The following CNOT10 variants were observed in gnomAD, a reference collection of about 807,000 sequenced individuals.
The protein encoded by CNOT10 is CCR4-NOT transcription complex subunit 10.
In CNOT10, 30 loss-of-function variants were observed where a neutral mutation model predicts 94.6. The observed-to-expected ratio is 0.32, with a 90% CI of 0.24 to 0.43. The LOEUF (loss-of-function observed/expected upper bound fraction) is 0.43. Ranked by LOEUF, CNOT10 falls within the 20% of genes least tolerant of loss-of-function variation. The pLI, the probability that CNOT10 is intolerant of heterozygous loss-of-function variation, is 1.00. For synonymous variants in CNOT10, 289 were observed against 301.6 expected, an observed-to-expected ratio of 0.96 and a Z score of 0.43; for missense variants, 759 against 877.2, an observed-to-expected ratio of 0.87 and a Z score of 1.70.
At chr3:32,704,666 A>G in intron 2 of CNOT10, 145 bp from the exon 3 acceptor site, 1 of 842,880 alleles carries the variant, frequency 1.2e-6, no homozygotes, top group Non-Finnish European at 1.8e-6. Flanking sequence ...TGCTTTAGTG[A>G]CTTTGATTAG....
At chr3:32,761,504 TGCCTCA>T (rs1421241529) in intron 14 of CNOT10, among the ~76,000 whole-genome samples, 2 of 152,156 alleles carry the variant, frequency 1.3e-5, no homozygotes, top group Non-Finnish European at 2.9e-5. Flanking sequence ...GCGATTCTCC[TGCCTCA>T]GCCTCCCGAG....
chr3:32,772,865 A>G (rs1700974532), intron 18 of CNOT10, among the ~76,000 whole-genome samples: 1 of 151,584 alleles, frequency 6.6e-6, no homozygotes, highest in South Asian at 2.1e-4. Context: ...AGATTGTTTC[A>G]TTGTTTTTTG....
At position 32,736,915 on chromosome 3, in the gene CNOT10, G is replaced by C. The variant is rs186925402; in HGVS notation, c.1515-495G>C. On this transcript the variant is annotated intron_variant, in intron 12 of 18. Transcript: ENST00000328834. ...TTAAAGCAGTATTGGAGGGGTGGGG[G>C]CAGTGGGGGAAGAAACTAATATACA... Among the ~76,000 whole-genome samples, 40 of 152,190 alleles carry C rather than the reference G, an allele frequency of 2.6e-4. No individual in the cohort carries two copies. In the East Asian group the frequency reaches 7.5e-3, roughly 29 times the overall value.
chr3:32,704,856 G>A lies in CNOT10; in HGVS notation c.163G>A (p.Asp55Asn), dbSNP rs770010700. The A allele has an allele frequency of 6.4e-7, 1 of 1,570,756 alleles. No homozygotes were observed. The highest frequency in any genetic ancestry group is 8.6e-7 in the Non-Finnish European group (1 of 1,167,460). ...TCTACAACACCTTGCCTGTCTACAAGATATAAACAAAGATGATTATAAAAT... is the reference window on the plus strand; with the variant it reads ...TCTACAACACCTTGCCTGTCTACAAAATATAAACAAAGATGATTATAAAAT... ...ACLQHLACLQ[D>N]INKDDYKIIL... is the part of the protein sequence containing the mutation. The change falls in exon 3 of 19, where the codon GAT becomes AAT. Residue 55 changes from aspartate to asparagine, a missense_variant. Coordinates refer to ENST00000328834, the MANE Select transcript of CNOT10 (RefSeq NM_015442.3).
chr3:32,731,375 T>G (rs1254111492), intron 10 of CNOT10, among the ~76,000 whole-genome samples: 1 of 152,212 alleles, frequency 6.6e-6, no homozygotes, highest in Non-Finnish European at 1.5e-5. Flanking sequence ...TTTTGCAAAT[T>G]CATATTGATT....
At position 32,770,108 on chromosome 3, in the gene CNOT10, G is replaced by GCAGCCTTCCCACCT. The variant is rs1277237237; in HGVS notation, c.2080+156_2080+169dup. On this transcript the variant is annotated intron_variant, in intron 18 of 18. Coordinates refer to ENST00000328834, the MANE Select transcript of CNOT10 (RefSeq NM_015442.3). ...GCAGCCTCCAAACTCCTAGGCTCAAGCAGCCTTCCCACCTCAGCCTTCCAG... is the reference window on the plus strand; with the variant it reads ...GCAGCCTCCAAACTCCTAGGCTCAAGCAGCCTTCCCACCTCAGCCTTCCCACCTCAGCCTTCCAG... The GCAGCCTTCCCACCT allele has an allele frequency of 1.3e-5, 8 of 621,248 alleles. No individual in the cohort carries two copies. In the South Asian group the frequency reaches 1.3e-4, roughly 10 times the overall value. 38.5% of individuals were successfully genotyped at this position (621,248 alleles called of 1,614,324 possible). A position where few individuals can be genotyped will look rare whatever the true frequency, so the allele number is the denominator to read the frequency against.
chr3:32,700,999 C>T (rs972983613), intron 1 of CNOT10, among the ~76,000 whole-genome samples: 6 of 152,250 alleles, frequency 3.9e-5, no homozygotes, highest in East Asian at 1.9e-4. Context: ...CTAAGCCAAG[C>T]GCAGTGGCTC....
At chr3:32,753,433 T>G (rs1249658130) in intron 13 of CNOT10, 5 of 1,521,416 alleles carry the variant, frequency 3.3e-6, no homozygotes, top group Non-Finnish European at 4.6e-6. Flanking sequence ...ATTGTCTGCT[T>G]TGGTTAAACT....
intron 13 of CNOT10, among the ~76,000 whole-genome samples, chr3:32,758,210 A>C (rs181704178): frequency 1.3e-3 from 191 of 152,322 alleles, no homozygotes; most frequent in African/African-American, 4.2e-3. Flanking sequence ...CACATCAGTT[A>C]AACAAGGAAC....
intron 1 of CNOT10, among the ~76,000 whole-genome samples, chr3:32,686,513 G>C (rs1696606347): frequency 6.6e-6 from 1 of 152,122 alleles, no homozygotes; most frequent in Non-Finnish European, 1.5e-5. Flanking sequence ...AAAAACAACA[G>C]AACAAAGGCC....
intron 18 of CNOT10, 100 bp downstream of exon 18, chr3:32,770,062 G>A (rs1700831402): frequency 2.3e-6 from 2 of 879,424 alleles, no homozygotes; most frequent in Non-Finnish European, 1.9e-6. Context: ...CTGGAGTGCA[G>A]TGGTACCATC....
At chr3:32,736,826 A>T (rs897396143) in intron 12 of CNOT10, among the ~76,000 whole-genome samples, 1 of 151,876 alleles carries the variant, frequency 6.6e-6, no homozygotes, top group Non-Finnish European at 1.5e-5. Context: ...ATAATGAGAA[A>T]TGCGCGAAAA....
chr3:32,714,853 C>T (rs1350745474), intron 5 of CNOT10, among the ~76,000 whole-genome samples: 5 of 152,084 alleles, frequency 3.3e-5, no homozygotes, highest in Admixed American at 2.0e-4. Flanking sequence ...TTCTTACTTC[C>T]GTTTTCTGTC....
intron 9 of CNOT10, among the ~76,000 whole-genome samples, chr3:32,727,005 C>G (rs1019506554): frequency 1.7e-4 from 26 of 151,902 alleles, no homozygotes; most frequent in Admixed American, 5.2e-4. Context: ...TGCCACCATG[C>G]CCGGCTAATT....
intron 12 of CNOT10, among the ~76,000 whole-genome samples, chr3:32,736,078 T>C (rs1699173870): frequency 6.6e-6 from 1 of 151,752 alleles, no homozygotes; most frequent in South Asian, 2.1e-4. Context: ...CTTTTTGTTT[T>C]GTTTTTTGTT....
chr3:32,710,506 G>C lies in CNOT10; in HGVS notation c.430+1686G>C, dbSNP rs74859904. Among the ~76,000 whole-genome samples, 14 of 152,016 alleles carry C rather than the reference G, an allele frequency of 9.2e-5. No individual in the cohort carries two copies. In the East Asian group the frequency reaches 2.7e-3, roughly 29 times the overall value. ...ACATCATAATCATCCAAAGTTCATA[G>C]TTTACGTTAGGGTTCACTCTTGGTG... On this transcript the variant is annotated intron_variant, in intron 4 of 18. Transcript: ENST00000328834.
chr3:32,743,800 T>C (rs902959591), intron 13 of CNOT10, among the ~76,000 whole-genome samples: 1 of 152,194 alleles, frequency 6.6e-6, no homozygotes, highest in African/African-American at 2.4e-5. Flanking sequence ...GCTGTTTGCT[T>C]TCCATATGTC....
At chr3:32,711,029 T>G (rs1360206359) in intron 4 of CNOT10, among the ~76,000 whole-genome samples, 3 of 152,226 alleles carry the variant, frequency 2.0e-5, no homozygotes, top group Non-Finnish European at 4.4e-5. Flanking sequence ...GTACTCAGAT[T>G]CTTCATACAA....
At chr3:32,742,265 T>C (rs1020388990) in intron 13 of CNOT10, among the ~76,000 whole-genome samples, 4 of 152,166 alleles carry the variant, frequency 2.6e-5, no homozygotes, top group African/African-American at 9.6e-5. Flanking sequence ...CTTTTTACTT[T>C]ACTCATTCTA....
Sources: gnomAD v4.1 joint callset for allele counts (sites outside exome capture counted in the v4.1 genomes callset) on GRCh38, gnomAD v4.1.1 for gene constraint, MANE v1.5 for transcripts, NCBI Gene and HGNC (gene_info 2026-07-23, HGNC 2026-07-21) for gene names.